The following POLD3 variants were observed in gnomAD, a reference collection of about 807,000 sequenced individuals.
POLD3 encodes DNA polymerase delta subunit 3.
POLD3 carries 19 observed loss-of-function variants against 58.2 expected under a neutral mutation model. The ratio of observed to expected loss-of-function variants is 0.33; its 90% CI spans 0.23 to 0.48. POLD3 has a LOEUF of 0.48. Ranked by LOEUF, POLD3 falls within the 20% of genes least tolerant of loss-of-function variation. The pLI is 0.99. For missense variants in POLD3, 504 were observed against 545.5 expected, an observed-to-expected ratio of 0.92 and a Z score of 0.76; for synonymous variants, 172 against 193.5, an observed-to-expected ratio of 0.89 and a Z score of 0.92.
At chr11:74,604,320 C>T (rs2031600529) in intron 2 of POLD3, among the ~76,000 whole-genome samples, 1 of 152,306 alleles carries the variant, frequency 6.6e-6, no homozygotes, top group South Asian at 2.1e-4. Context: ...ATTAAGAGGC[C>T]TAGACAAATT....
At chr11:74,662,877 C>G (rs2033221279) in intron 4 of POLD3, among the ~76,000 whole-genome samples, 1 of 152,174 alleles carries the variant, frequency 6.6e-6, no homozygotes, top group South Asian at 2.1e-4. Context: ...GGCGATTCCT[C>G]TCTGGCTATG....
chr11:74,662,246 A>G (rs1299781030), intron 4 of POLD3, among the ~76,000 whole-genome samples: 2 of 152,064 alleles, frequency 1.3e-5, no homozygotes, highest in African/African-American at 2.4e-5. Context: ...TCTTTTCTCA[A>G]GCGGGAGTCT....
At chr11:74,643,220 A>G (rs757764159), downstream of POLD3, among the ~76,000 whole-genome samples, 1 of 152,218 alleles carries the variant, frequency 6.6e-6, no homozygotes, top group Non-Finnish European at 1.5e-5. Flanking sequence ...CCCAGGTGGT[A>G]TATTCTTCAG....
At chr11:74,605,257 A>G (rs958548413) in intron 3 of POLD3, among the ~76,000 whole-genome samples, 6 of 152,224 alleles carry the variant, frequency 3.9e-5, no homozygotes, top group Non-Finnish European at 7.3e-5. Context: ...AATGCAGTGC[A>G]TAGGCTGGGA....
In POLD3 at chr11:74,594,338, A is replaced by G. The variant is rs190577213; in HGVS notation, c.116+222A>G. 4.1e-4 allele frequency among the ~76,000 whole-genome samples: 62 copies of G among 152,334 alleles called. 2 individuals are homozygous for G. Among genetic ancestry groups the G allele is most frequent in the Middle Eastern group, 6.8e-3 (2 of 294 alleles). ...TATCTTTGCACGTCCATCTTATATG[A>G]ACACCAGTCATACTGAATTACGAAT... On this transcript the variant is annotated intron_variant, in intron 2 of 11. Transcript: ENST00000263681.
At chr11:74,633,243 T>G (rs1445767955) in intron 9 of POLD3, among the ~76,000 whole-genome samples, 1 of 152,212 alleles carries the variant, frequency 6.6e-6, no homozygotes, top group African/African-American at 2.4e-5. Context: ...TTCAGAACAA[T>G]GGAGGCTTGC....
chr11:74,668,887 G>A, exon 5 of POLD3: 1 of 891,428 alleles, frequency 1.1e-6, no homozygotes, highest in Admixed American at 2.5e-5. Flanking sequence ...AGCCTCGGAA[G>A]CACAGATTTA....
At chr11:74,599,385 T>TTTTTTTTTTTTTTTTTTTTTTTTTG in intron 2 of POLD3, among the ~76,000 whole-genome samples, 1 of 151,332 alleles carries the variant, frequency 6.6e-6, no homozygotes. Flanking sequence ...TTTTTTTTTT[T>TTTTTTTTTTTTTTTTTTTTTTTTTG]GACGGAGTCT....
At chr11:74,602,448 A>G (rs1241719995) in intron 2 of POLD3, among the ~76,000 whole-genome samples, 5 of 152,088 alleles carry the variant, frequency 3.3e-5, no homozygotes, top group East Asian at 1.9e-4. Flanking sequence ...TAGTCCAGTC[A>G]TTTTTGACTC....
intron 2 of POLD3, 36 bp from the exon 3 acceptor site, chr11:74,604,656 T>C: frequency 1.9e-6 from 2 of 1,070,172 alleles, no homozygotes; most frequent in Non-Finnish European, 2.9e-6. Flanking sequence ...AAACTCTTAC[T>C]GATGTCTTAC....
At chr11:74,610,920 G>T (rs888463516) in intron 3 of POLD3, among the ~76,000 whole-genome samples, 1 of 151,848 alleles carries the variant, frequency 6.6e-6, no homozygotes, top group African/African-American at 2.4e-5. Context: ...GATTACAGGT[G>T]CCTGCCACCA....
chr11:74,655,702 A>G (rs2033125647), intron 4 of POLD3, among the ~76,000 whole-genome samples: 1 of 152,200 alleles, frequency 6.6e-6, no homozygotes, highest in Non-Finnish European at 1.5e-5. Context: ...GGAATAGAAG[A>G]AAACATCCTC....
At chr11:74,610,976 T>C (rs2031891506) in intron 3 of POLD3, among the ~76,000 whole-genome samples, 1 of 152,148 alleles carries the variant, frequency 6.6e-6, no homozygotes. Flanking sequence ...GGTCTCACCA[T>C]GTTGGCCAGG....
chr11:74,663,451 T>C (rs951682581), intron 4 of POLD3, among the ~76,000 whole-genome samples: 1 of 152,240 alleles, frequency 6.6e-6, no homozygotes, highest in Non-Finnish European at 1.5e-5. Flanking sequence ...GGTGAAGAAC[T>C]TACATTTGAT....
intron 4 of POLD3, among the ~76,000 whole-genome samples, chr11:74,655,271 A>G (rs1442617107): frequency 1.2e-4 from 18 of 152,278 alleles, no homozygotes; most frequent in Admixed American, 1.2e-3. Flanking sequence ...AAATAAAGAC[A>G]AGAATTTAAG....
chr11:74,652,500 A>G (rs954471632), intron 4 of POLD3: 1 of 152,242 alleles, frequency 6.6e-6, no homozygotes, highest in Non-Finnish European at 1.5e-5. Context: ...CTTTCTAATC[A>G]TACATATTTT....
intron 4 of POLD3, among the ~76,000 whole-genome samples, chr11:74,648,537 T>C (rs112767948): frequency 6.6e-6 from 1 of 151,740 alleles, no homozygotes; most frequent in Non-Finnish European, 1.5e-5. Context: ...TTGAGAAAAA[T>C]AGGAGTTTGC....
chr11:74,649,907 C>A (rs751241942), intron 4 of POLD3, among the ~76,000 whole-genome samples: 26 of 152,132 alleles, frequency 1.7e-4, no homozygotes, highest in Non-Finnish European at 2.9e-4. Context: ...AGTTGGAGAG[C>A]AGACTGGCTC....
chr11:74,659,010 T>C (rs2033171449), intron 4 of POLD3, among the ~76,000 whole-genome samples: 1 of 152,204 alleles, frequency 6.6e-6, no homozygotes, highest in African/African-American at 2.4e-5. Flanking sequence ...TTCCCTTCTG[T>C]ACTGCCCTAG....
Sources: gnomAD v4.1 joint callset for allele counts (sites outside exome capture counted in the v4.1 genomes callset) on GRCh38, gnomAD v4.1.1 for gene constraint, MANE v1.5 for transcripts, NCBI Gene and HGNC (gene_info 2026-07-23, HGNC 2026-07-21) for gene names.